ARHGAP26: variants seen among roughly 807,000 people sequenced by gnomAD.
ARHGAP26 encodes the protein Rho GTPase activating protein 26.
A neutral mutation model predicts 104.8 loss-of-function variants in ARHGAP26; 38 were observed. The ratio of observed to expected loss-of-function variants is 0.36; its 90% CI spans 0.28 to 0.48. The LOEUF (loss-of-function observed/expected upper bound fraction) is 0.48. ARHGAP26 is among the 20% of genes least tolerant of loss of function. The probability of loss-of-function intolerance (pLI) is 0.99; values close to 1 mark genes in which losing one functional copy is unlikely to be tolerated. For synonymous variants in ARHGAP26, 341 were observed against 340.0 expected (o/e 1.00, Z -0.03); for missense variants, 704 against 947.9 (o/e 0.74, Z 3.38).
At chr5:143,153,787 C>T (rs1017964980) in intron 20 of ARHGAP26, among the ~76,000 whole-genome samples, 1 of 147,150 alleles carries the variant, frequency 6.8e-6, no homozygotes, top group African/African-American at 2.4e-5. Flanking sequence ...TCTGTCTTAA[C>T]ACACACGCTC....
At chr5:142,789,340 A>G (rs1759315283) in intron 1 of ARHGAP26, among the ~76,000 whole-genome samples, 1 of 152,226 alleles carries the variant, frequency 6.6e-6, no homozygotes. Flanking sequence ...ATAAATCTTC[A>G]TAATTATCTC....
At chr5:142,842,627 G>A (rs1301974760) in intron 1 of ARHGAP26, among the ~76,000 whole-genome samples, 2 of 152,190 alleles carry the variant, frequency 1.3e-5, no homozygotes, top group Non-Finnish European at 2.9e-5. Context: ...ATCTAAAAGT[G>A]CGTAGTAGTA....
At chr5:142,789,707 T>C (rs1362926350) in intron 1 of ARHGAP26, among the ~76,000 whole-genome samples, 1 of 152,182 alleles carries the variant, frequency 6.6e-6, no homozygotes, top group African/African-American at 2.4e-5. Flanking sequence ...TTACATTTCC[T>C]TGCACCCCCA....
intron 11 of ARHGAP26, among the ~76,000 whole-genome samples, chr5:142,956,514 C>A (rs1769266201): frequency 6.6e-6 from 1 of 152,096 alleles, no homozygotes; most frequent in African/African-American, 2.4e-5. Flanking sequence ...GAGTTCGAGG[C>A]TGCAGCGAGC....
chr5:143,162,716 A>C (rs1801418506), intron 20 of ARHGAP26, among the ~76,000 whole-genome samples: 1 of 152,204 alleles, frequency 6.6e-6, no homozygotes, highest in Non-Finnish European at 1.5e-5. Flanking sequence ...CAACTGTTGA[A>C]TATTTGCTAC....
chr5:142,861,053 TGTGGTGGTCTGCA>T (rs1753237600), intron 1 of ARHGAP26, among the ~76,000 whole-genome samples: 1 of 152,200 alleles, frequency 6.6e-6, no homozygotes, highest in Admixed American at 6.5e-5. Flanking sequence ...TCTCTCATTC[TGTGGTGGTCTGCA>T]GTGGCAAGGG....
chr5:142,943,656 T>G (rs1374383572), intron 11 of ARHGAP26, among the ~76,000 whole-genome samples: 1 of 152,228 alleles, frequency 6.6e-6, no homozygotes, highest in African/African-American at 2.4e-5. Context: ...CACCTACCTT[T>G]AAGGATATTT....
intron 1 of ARHGAP26, among the ~76,000 whole-genome samples, chr5:142,851,348 C>G (rs576233365): frequency 6.6e-6 from 1 of 152,292 alleles, no homozygotes; most frequent in East Asian, 1.9e-4. Context: ...CTGCCTGCCT[C>G]GGCCTCCCAA....
chr5:142,870,437 T>C (rs1598010831), intron 1 of ARHGAP26, among the ~76,000 whole-genome samples: 1 of 152,264 alleles, frequency 6.6e-6, no homozygotes, highest in South Asian at 2.1e-4. Flanking sequence ...CTTAATGGGG[T>C]GAAGTGGTAT....
intron 21 of ARHGAP26, among the ~76,000 whole-genome samples, chr5:143,211,046 C>G (rs1342517331): frequency 6.6e-6 from 1 of 152,168 alleles, no homozygotes; most frequent in Non-Finnish European, 1.5e-5. Context: ...AATACAATCT[C>G]TCTGCCAACA....
chr5:143,034,305 A>G (rs747893100), intron 12 of ARHGAP26, among the ~76,000 whole-genome samples: 19 of 152,242 alleles, frequency 1.2e-4, no homozygotes, highest in Non-Finnish European at 1.8e-4. Context: ...ACAGATGTTC[A>G]TAGTAACATT....
intron 1 of ARHGAP26, among the ~76,000 whole-genome samples, chr5:142,797,140 G>C (rs1561856846): frequency 6.6e-6 from 1 of 152,204 alleles, no homozygotes; most frequent in Non-Finnish European, 1.5e-5. Context: ...TCAAAGCTTT[G>C]TGAACTAAAT....
intron 10 of ARHGAP26, among the ~76,000 whole-genome samples, chr5:142,917,454 T>C (rs1334002765): frequency 6.6e-6 from 1 of 152,206 alleles, no homozygotes; most frequent in East Asian, 1.9e-4. Flanking sequence ...GGAAGTGCTA[T>C]TGGCACCCTG....
rs181081227 is a variant in ARHGAP26, at chr5:142,863,145, C to T, written c.155-10255C>T. Among the ~76,000 whole-genome samples the T allele has an allele frequency of 1.9e-4, 28 of 148,738 alleles. No homozygotes were observed. The East Asian group carries it at 4.7e-3, about 25-fold the overall frequency. On this transcript the variant is annotated intron_variant, in intron 1 of 22. Transcript: ENST00000645722. ...TTTCTTTTTGAGAAGGAGTCTTGCT[C>T]TGTCACACAGGCTGGAGTGCTATGG...
intron 9 of ARHGAP26, among the ~76,000 whole-genome samples, chr5:142,910,515 G>T (rs781666875): frequency 6.6e-6 from 1 of 152,110 alleles, no homozygotes; most frequent in South Asian, 2.1e-4. Context: ...GAGGCAGGTG[G>T]ATCACCTGAG....
intron 1 of ARHGAP26, among the ~76,000 whole-genome samples, chr5:142,846,932 A>G (rs1772082485): frequency 6.6e-6 from 1 of 152,178 alleles, no homozygotes; most frequent in Admixed American, 6.5e-5. Flanking sequence ...AGGACTTTTC[A>G]CGTCTTATCT....
intron 20 of ARHGAP26, among the ~76,000 whole-genome samples, chr5:143,173,549 C>T (rs752214036): frequency 1.8e-4 from 27 of 152,310 alleles, no homozygotes; most frequent in Middle Eastern, 3.4e-3. Context: ...TCAGGCACTT[C>T]GCTTCGCAAT....
chr5:143,220,352 C>T (rs576734622), intron 22 of ARHGAP26, among the ~76,000 whole-genome samples: 13 of 152,322 alleles, frequency 8.5e-5, no homozygotes, highest in Middle Eastern at 3.4e-3. Flanking sequence ...TGAGCAGTCC[C>T]GATCCAGGGT....
chr5:143,028,780 A>T (rs1486954357), intron 12 of ARHGAP26, among the ~76,000 whole-genome samples: 1 of 152,142 alleles, frequency 6.6e-6, no homozygotes, highest in African/African-American at 2.4e-5. Context: ...TTCAGTTTCC[A>T]CTACCTACAA....
Sources: allele counts gnomAD v4.1 joint callset (sites outside exome capture counted in the v4.1 genomes callset), GRCh38; gene constraint gnomAD v4.1.1; transcripts MANE v1.5; gene names NCBI Gene and HGNC (gene_info 2026-07-23, HGNC 2026-07-21).